The following ZBTB16 variants were observed in gnomAD, a reference collection of about 807,000 sequenced individuals.
ZBTB16 encodes the protein zinc finger and BTB domain-containing protein 16.
In ZBTB16, 8 loss-of-function variants were observed where a neutral mutation model predicts 56.8. That is an observed-to-expected ratio of 0.14 (90% CI 0.08 to 0.25). The LOEUF is 0.25. Ranked by LOEUF, ZBTB16 falls within the 10% of genes least tolerant of loss-of-function variation. The probability of loss-of-function intolerance (pLI) is 1.00; values close to 1 mark genes in which losing one functional copy is unlikely to be tolerated. For missense variants in ZBTB16, 625 were observed against 903.0 expected, an observed-to-expected ratio of 0.69 and a Z score of 3.95; for synonymous variants, 363 against 368.5, an observed-to-expected ratio of 0.98 and a Z score of 0.17.
intron 4 of ZBTB16, among the ~76,000 whole-genome samples, chr11:114,199,479 G>A (rs993372781): frequency 1.3e-5 from 2 of 152,256 alleles, no homozygotes; most frequent in African/African-American, 2.4e-5. Flanking sequence ...CACAGACCTT[G>A]CCCTTCCCCG....
chr11:114,118,969 A>G (rs1336403157), intron 2 of ZBTB16, among the ~76,000 whole-genome samples: 1 of 152,088 alleles, frequency 6.6e-6, no homozygotes, highest in South Asian at 2.1e-4. Context: ...TTTTGTTACA[A>G]AGAATTTAGA....
chr11:114,084,047 T>C (rs919882872), intron 2 of ZBTB16, among the ~76,000 whole-genome samples: 5 of 152,216 alleles, frequency 3.3e-5, no homozygotes, highest in Non-Finnish European at 5.9e-5. Flanking sequence ...CTCACCTCCA[T>C]TGTTTAAGAT....
At chr11:114,161,733 C>T (rs1220049249) in intron 3 of ZBTB16, among the ~76,000 whole-genome samples, 1 of 152,180 alleles carries the variant, frequency 6.6e-6, no homozygotes, top group Non-Finnish European at 1.5e-5. Context: ...TCTGCATTCT[C>T]CCTGAAGCAC....
intron 4 of ZBTB16, among the ~76,000 whole-genome samples, chr11:114,241,112 C>A (rs1340592212): frequency 6.6e-6 from 1 of 152,140 alleles, no homozygotes; most frequent in Non-Finnish European, 1.5e-5. Context: ...AGGGACTTTG[C>A]ATGCTCTTCC....
intron 3 of ZBTB16, among the ~76,000 whole-genome samples, chr11:114,167,231 G>GTTT (rs1565663129): frequency 1.4e-4 from 6 of 43,206 alleles, no homozygotes; most frequent in Admixed American, 3.5e-4. Flanking sequence ...TTTTTTTTTT[G>GTTT]GTTTTTTTTT....
intron 4 of ZBTB16, among the ~76,000 whole-genome samples, chr11:114,238,227 C>T (rs757699476): frequency 1.8e-4 from 27 of 152,210 alleles, no homozygotes; most frequent in Non-Finnish European, 3.5e-4. Flanking sequence ...TGCTTCTAAC[C>T]GCTTGCTGCT....
rs1379533239 is a variant in ZBTB16, at chr11:114,256,027, T to G, written c.*5472T>G. On this transcript the variant is annotated 3_prime_UTR_variant, in exon 7 of 7. Transcript: ENST00000335953. The stretch of plus-strand genomic sequence containing the variant: ...GAAGTACTTGGTTTTGTTTTGTTTT[T>G]TTTTTTTGTTTTTTTTGCCTTTTCT... Among the ~76,000 whole-genome samples, 3 of 118,988 alleles carry G rather than the reference T, an allele frequency of 2.5e-5. No individual in the cohort carries two copies. The highest frequency in any genetic ancestry group is 5.8e-5 in the African/African-American group (2 of 34,330). The allele number at this position is 118,988 out of a possible 152,430, so 78.1% of individuals were successfully genotyped here.
chr11:114,240,359 C>T (rs879753526), intron 4 of ZBTB16, among the ~76,000 whole-genome samples: 4 of 152,164 alleles, frequency 2.6e-5, no homozygotes, highest in Non-Finnish European at 5.9e-5. Flanking sequence ...GGAGGTTCTT[C>T]GTGCCATCCC....
chr11:114,218,557 G>A (rs932875520), intron 4 of ZBTB16, among the ~76,000 whole-genome samples: 3 of 152,184 alleles, frequency 2.0e-5, no homozygotes, highest in Non-Finnish European at 4.4e-5. Flanking sequence ...TATAAATAAA[G>A]TCTTTTTCTT....
chr11:114,159,971 C>T (rs1565658400), intron 3 of ZBTB16, among the ~76,000 whole-genome samples: 1 of 136,686 alleles, frequency 7.3e-6, no homozygotes, highest in Non-Finnish European at 1.5e-5. Flanking sequence ...TCAAAAGGCG[C>T]AGGCTGTGGA....
intron 5 of ZBTB16, 42 bp downstream of exon 5, chr11:114,242,379 G>A (rs1476411688): frequency 4.4e-6 from 7 of 1,607,558 alleles, no homozygotes; most frequent in Non-Finnish European, 5.1e-6. Context: ...GTCTCTGGGA[G>A]CCAGCGTCTA....
intron 2 of ZBTB16, among the ~76,000 whole-genome samples, chr11:114,146,415 T>G (rs1347137334): frequency 6.6e-6 from 1 of 152,076 alleles, no homozygotes; most frequent in Non-Finnish European, 1.5e-5. Context: ...GGCAAGTAAG[T>G]CATGTGGCCT....
intron 2 of ZBTB16, among the ~76,000 whole-genome samples, chr11:114,154,732 G>T (rs1340014531): frequency 2.0e-5 from 3 of 151,300 alleles, no homozygotes; most frequent in Non-Finnish European, 3.0e-5. Flanking sequence ...ATAGATAAGG[G>T]TGTGTGTGTG....
At chr11:114,228,569 C>A (rs1944376069) in intron 4 of ZBTB16, among the ~76,000 whole-genome samples, 1 of 152,208 alleles carries the variant, frequency 6.6e-6, no homozygotes, top group South Asian at 2.1e-4. Flanking sequence ...CGTGCCTAGA[C>A]CTGAGCTCAC....
chr11:114,179,919 C>T (rs1451472545), intron 3 of ZBTB16, among the ~76,000 whole-genome samples: 1 of 152,092 alleles, frequency 6.6e-6, no homozygotes, highest in Non-Finnish European at 1.5e-5. Context: ...TCATGGCTTC[C>T]ACTGGATTTC....
intron 4 of ZBTB16, chr11:114,187,259 G>A: frequency 1.6e-6 from 1 of 641,506 alleles, no homozygotes; most frequent in Admixed American, 2.2e-5. Context: ...GAGAATGGCT[G>A]TCCTAGATTA....
At chr11:114,129,520 C>T (rs1167739273) in intron 2 of ZBTB16, among the ~76,000 whole-genome samples, 1 of 152,242 alleles carries the variant, frequency 6.6e-6, no homozygotes, top group Non-Finnish European at 1.5e-5. Flanking sequence ...GCCCACCTGC[C>T]TATTCCCTTT....
At chr11:114,128,694 A>G (rs780479866) in intron 2 of ZBTB16, among the ~76,000 whole-genome samples, 5 of 152,160 alleles carry the variant, frequency 3.3e-5, no homozygotes, top group Non-Finnish European at 5.9e-5. Flanking sequence ...AGTGAAGTTC[A>G]GGTCCTCAGA....
chr11:114,228,725 C>T (rs1383956578), intron 4 of ZBTB16, among the ~76,000 whole-genome samples: 1 of 152,228 alleles, frequency 6.6e-6, no homozygotes, highest in Non-Finnish European at 1.5e-5. Context: ...CTCCCCAGGC[C>T]GCCAGCCTGC....
Sources: allele counts gnomAD v4.1 joint callset (sites outside exome capture counted in the v4.1 genomes callset), GRCh38; gene constraint gnomAD v4.1.1; transcripts MANE v1.5; gene names NCBI Gene and HGNC (gene_info 2026-07-23, HGNC 2026-07-21).